Variants in DNAAF4 observed in about 807,000 individuals in gnomAD.
DNAAF4 encodes dynein assembly factor 4, axonemal.
A neutral mutation model predicts 51.8 loss-of-function variants in DNAAF4; 43 were observed. The ratio of observed to expected loss-of-function variants is 0.83; its 90% CI spans 0.65 to 1.07. DNAAF4 has a LOEUF of 1.07. Ranked by LOEUF, DNAAF4 falls within the 50% of genes least tolerant of loss-of-function variation. The probability of loss-of-function intolerance (pLI) is 0.00; values close to 1 mark genes in which losing one functional copy is unlikely to be tolerated. For synonymous variants in DNAAF4, 194 were observed against 165.6 expected (o/e 1.17, Z -1.32); for missense variants, 581 against 493.0 (o/e 1.18, Z -1.69).
chr15:55,473,437 G>C (rs900993336), intron 4 of DNAAF4, among the ~76,000 whole-genome samples: 21 of 146,438 alleles, frequency 1.4e-4, no homozygotes, highest in African/African-American at 3.8e-4. Flanking sequence ...AATCAAATAG[G>C]GGTAACTTAA....
At chr15:55,447,887 G>A (rs981192188) in intron 6 of DNAAF4, among the ~76,000 whole-genome samples, 3 of 150,842 alleles carry the variant, frequency 2.0e-5, no homozygotes, top group African/African-American at 4.9e-5. Context: ...GGAGAGGGGA[G>A]CCCCTTTATT....
At position 55,435,041 on chromosome 15, in the gene DNAAF4, T is replaced by TC; in HGVS notation, c.910dup (p.Glu304GlyfsTer11). The stretch of plus-strand genomic sequence containing the variant: ...TGCATTGATAGCTGCCAAATAGTTT[T>TC]CCGTTGCAAACAATTTGCTAATGAG... On this transcript the variant is annotated frameshift_variant, in exon 8 of 10. Transcript: ENST00000321149. LOFTEE classifies it high-confidence loss of function. 1 of 1,592,380 alleles carries TC rather than the reference T, an allele frequency of 6.3e-7. No homozygotes were observed. Among genetic ancestry groups the TC allele is most frequent in the Non-Finnish European group, 8.5e-7 (1 of 1,173,850 alleles).
intron 7 of DNAAF4, among the ~76,000 whole-genome samples, chr15:55,437,882 G>C (rs1231296915): frequency 6.6e-6 from 1 of 152,144 alleles, no homozygotes; most frequent in Non-Finnish European, 1.5e-5. Flanking sequence ...CTGAATTACA[G>C]AACTATAAGA....
At chr15:55,428,882 C>G (rs1447621359), downstream of DNAAF4, among the ~76,000 whole-genome samples, 1 of 152,016 alleles carries the variant, frequency 6.6e-6, no homozygotes, top group Non-Finnish European at 1.5e-5. Context: ...ATATAAGATG[C>G]TGCTTGATTC....
At chr15:55,431,317 G>A (rs927695577) in intron 9 of DNAAF4, among the ~76,000 whole-genome samples, 6 of 151,688 alleles carry the variant, frequency 4.0e-5, no homozygotes, top group Admixed American at 6.6e-5. Context: ...CAATGTGCAT[G>A]CACTATGGTG....
In DNAAF4 at chr15:55,471,147, C is replaced by T. The variant is rs542694068; in HGVS notation, c.406-3986G>A. 4.6e-5 allele frequency among the ~76,000 whole-genome samples: 7 copies of T among 152,276 alleles called. 1 individual carries two copies. Among genetic ancestry groups the T allele is most frequent in the Non-Finnish European group, 8.8e-5 (6 of 68,028 alleles). On this transcript the variant is annotated intron_variant, in intron 4 of 9. Transcript: ENST00000321149. ...AAGTGCTGGAATTACAGGCGTAAGC[C>T]AGTGGACCCAGCATGATTGATTATT...
intron 6 of DNAAF4, among the ~76,000 whole-genome samples, chr15:55,448,996 A>AT (rs1191434908): frequency 5.2e-4 from 76 of 145,810 alleles, no homozygotes; most frequent in Middle Eastern, 7.2e-3. Context: ...TTTATTTTTT[A>AT]TTTTTTTTTT....
At chr15:55,455,148 AAAAAACTCCAGAC>A (rs957958012) in intron 5 of DNAAF4, among the ~76,000 whole-genome samples, 12 of 149,838 alleles carry the variant, frequency 8.0e-5, no homozygotes, top group Non-Finnish European at 1.2e-4. Context: ...AACCTCCATA[AAAAAACTCCAGAC>A]CTAGACAGTT....
In DNAAF4 at chr15:55,432,557, T is replaced by G; in HGVS notation, c.1093A>C (p.Arg365=). Residue 365 remains arginine (R), a synonymous_variant, in exon 9 of 10, where the codon AGA becomes CGA. Transcript: ENST00000321149. ...MPPVTDNANA[R]MKAHVRRGTA... The stretch of plus-strand genomic sequence containing the variant: ...CCACGTCGTACATGTGCCTTCATTC[T>G]TGCATTAGCATTGTCTGTAACAGGT... The G allele has an allele frequency of 6.2e-7, 1 of 1,612,934 alleles. No homozygotes were observed. Among genetic ancestry groups the G allele is most frequent in the Non-Finnish European group, 8.5e-7 (1 of 1,179,196 alleles).
Position 55,503,173 on chromosome 15 carries a change from A to G in DNAAF4, c.-255-4589T>C, listed in dbSNP as rs568012550. ...TCTACGCAAATAAACTAGAAAATCT[A>G]GAAGAAATGCATAAATTCCTCGACA... On this transcript the variant is annotated intron_variant, in intron 1 of 9. Coordinates refer to ENST00000321149, the MANE Select transcript of DNAAF4 (RefSeq NM_130810.4). Among the ~76,000 whole-genome samples, 87 of 152,358 alleles carry G rather than the reference A, an allele frequency of 5.7e-4. 1 individual carries two copies. Among genetic ancestry groups the G allele is most frequent in the South Asian group, 5.0e-3 (24 of 4,832 alleles).
intron 4 of DNAAF4, among the ~76,000 whole-genome samples, chr15:55,472,345 C>T (rs1165073074): frequency 1.3e-5 from 2 of 152,056 alleles, no homozygotes; most frequent in African/African-American, 4.8e-5. Flanking sequence ...GGCCCGGGGG[C>T]AGTGGCTCAT....
rs76644582 is a variant in DNAAF4, at chr15:55,430,432, T to C, written c.*238A>G. On this transcript the variant is annotated 3_prime_UTR_variant, in exon 10 of 10. Transcript: ENST00000321149. Reference sequence around the variant, plus strand: ...CTTAATTCAGTAACACAAAAAAGTATACATATGTATTAATATGAAGAAATA... The same window carrying C: ...CTTAATTCAGTAACACAAAAAAGTACACATATGTATTAATATGAAGAAATA... 373 of 1,007,624 alleles carry C rather than the reference T, an allele frequency of 3.7e-4. No individual in the cohort carries two copies. Among genetic ancestry groups the C allele is most frequent in the Admixed American group, 4.7e-4 (9 of 19,108 alleles). The allele number at this position is 1,007,624 out of a possible 1,614,324, so 62.4% of individuals were successfully genotyped here. A position where few individuals can be genotyped will look rare whatever the true frequency, so the allele number is the denominator to read the frequency against.
chr15:55,463,494 T>C (rs560493066), intron 5 of DNAAF4, among the ~76,000 whole-genome samples: 1 of 152,294 alleles, frequency 6.6e-6, no homozygotes, highest in Admixed American at 6.5e-5. Flanking sequence ...GGAAGTCAAG[T>C]TGTCATTGTT....
intron 1 of DNAAF4, among the ~76,000 whole-genome samples, chr15:55,507,422 G>A (rs940038337): frequency 6.6e-6 from 1 of 152,156 alleles, no homozygotes; most frequent in Non-Finnish European, 1.5e-5. Flanking sequence ...GTAATAAAGT[G>A]TCTAATATAC....
At chr15:55,442,722 G>A in intron 6 of DNAAF4, 1 of 1,537,002 alleles carries the variant, frequency 6.5e-7, no homozygotes. Flanking sequence ...GAACATTACT[G>A]GAAACAAAAA....
chr15:55,440,907 T>C (rs2057700747), intron 6 of DNAAF4, among the ~76,000 whole-genome samples: 1 of 151,494 alleles, frequency 6.6e-6, no homozygotes, highest in African/African-American at 2.4e-5. Flanking sequence ...GGTCTCAAAC[T>C]CCTGACCTTG....
chr15:55,460,205 G>C (rs1405706877), intron 5 of DNAAF4, among the ~76,000 whole-genome samples: 3 of 137,660 alleles, frequency 2.2e-5, no homozygotes, highest in South Asian at 2.3e-4. Flanking sequence ...TTTTGAGACA[G>C]AGTCTCACTC....
chr15:55,500,620 C>T (rs1035068267), intron 1 of DNAAF4, among the ~76,000 whole-genome samples: 1 of 152,168 alleles, frequency 6.6e-6, no homozygotes, highest in African/African-American at 2.4e-5. Context: ...AACACATACA[C>T]ACCTCTGCAG....
intron 4 of DNAAF4, among the ~76,000 whole-genome samples, chr15:55,482,232 T>TA (rs1567027806): frequency 7.7e-6 from 1 of 129,120 alleles, no homozygotes; most frequent in African/African-American, 2.5e-5. Context: ...GGCAAAGATG[T>TA]AAAAAAATTA....
Sources: allele counts gnomAD v4.1 joint callset (sites outside exome capture counted in the v4.1 genomes callset), GRCh38; gene constraint gnomAD v4.1.1; transcripts MANE v1.5; gene names NCBI Gene and HGNC (gene_info 2026-07-23, HGNC 2026-07-21).